CDH4: variants seen among roughly 807,000 people sequenced by gnomAD.
The protein encoded by CDH4 is cadherin 4, also known as cadherin-4.
In CDH4, 33 loss-of-function variants were observed where a neutral mutation model predicts 86.0. The ratio of observed to expected loss-of-function variants is 0.38; its 90% CI spans 0.29 to 0.51. The LOEUF is 0.51. Ranked by LOEUF, CDH4 falls within the 20% of genes least tolerant of loss-of-function variation. The pLI is 0.86. For synonymous variants in CDH4, 555 were observed against 549.4 expected, an observed-to-expected ratio of 1.01 and a Z score of -0.14; for missense variants, 1,114 against 1,307.4, an observed-to-expected ratio of 0.85 and a Z score of 2.28.
intron 2 of CDH4, among the ~76,000 whole-genome samples, chr20:61,461,188 A>ATT (rs571338181): frequency 5.3e-5 from 8 of 151,796 alleles, no homozygotes; most frequent in Admixed American, 3.3e-4. Flanking sequence ...CTAGGAAGCC[A>ATT]TTTTTTTTTA....
intron 2 of CDH4, among the ~76,000 whole-genome samples, chr20:61,484,156 A>ACC (rs2085583388): frequency 1.3e-5 from 2 of 152,002 alleles, no homozygotes; most frequent in Admixed American, 1.3e-4. Flanking sequence ...ACCTGCCTAG[A>ACC]CCATACCTGA....
chr20:61,281,157 G>C (rs190435234), intron 2 of CDH4, among the ~76,000 whole-genome samples: 73 of 152,300 alleles, frequency 4.8e-4, no homozygotes, highest in Admixed American at 1.2e-3. Context: ...CTCTGTCATG[G>C]GCTTATGGCC....
rs117827736 is a variant in CDH4 at position 61,303,141 on chromosome 20, G to C, written c.169+48204G>C. On this transcript the variant is annotated intron_variant, in intron 2 of 15. Coordinates refer to ENST00000614565, the MANE Select transcript of CDH4 (RefSeq NM_001794.5). ...GACGTTACGGCCACAGTAGGAAGCA[G>C]ATACACCCTGAGACCCAAAGCATGT... Among the ~76,000 whole-genome samples, 1,241 of 152,326 alleles carry C rather than the reference G, an allele frequency of 8.1e-3. 10 individuals carry two copies. Among genetic ancestry groups the C allele is most frequent in the Non-Finnish European group, 0.012 (820 of 68,024 alleles).
At chr20:61,485,622 C>G (rs1232331135) in intron 2 of CDH4, among the ~76,000 whole-genome samples, 3 of 152,216 alleles carry the variant, frequency 2.0e-5, no homozygotes, top group Non-Finnish European at 4.4e-5. Context: ...TCATTGACCT[C>G]TTCTGCAGCC....
intron 2 of CDH4, among the ~76,000 whole-genome samples, chr20:61,504,486 C>A (rs1385592270): frequency 6.6e-6 from 1 of 152,124 alleles, no homozygotes; most frequent in African/African-American, 2.4e-5. Flanking sequence ...CAGGGGATCT[C>A]AACGGGGGGC....
At chr20:61,751,088 G>A (rs2088487904) in intron 3 of CDH4, among the ~76,000 whole-genome samples, 1 of 152,162 alleles carries the variant, frequency 6.6e-6, no homozygotes, top group Non-Finnish European at 1.5e-5. Flanking sequence ...TTTTTTGTTT[G>A]CTCGTTTCGG....
In CDH4 at chr20:61,731,861, C is replaced by T. The variant is rs75948020; in HGVS notation, c.170-11702C>T. Among the ~76,000 whole-genome samples, 112 of 152,284 alleles carry T rather than the reference C, an allele frequency of 7.4e-4. 3 individuals are homozygous for T. In the East Asian group the frequency reaches 0.021, roughly 29 times the overall value. On this transcript the variant is annotated intron_variant, in intron 2 of 15. Transcript: ENST00000614565. Reference sequence around the variant, plus strand: ...AGGACTCGGGGGCTGCACAGCCTGGCGGGGATGCCTCTACTGGAGGGTGTG... The same window carrying T: ...AGGACTCGGGGGCTGCACAGCCTGGTGGGGATGCCTCTACTGGAGGGTGTG...
chr20:61,333,431 C>T (rs1460206154), intron 2 of CDH4, among the ~76,000 whole-genome samples: 3 of 152,148 alleles, frequency 2.0e-5, no homozygotes, highest in African/African-American at 4.8e-5. Flanking sequence ...TAATGAGACC[C>T]CAACAGGCAT....
In CDH4 at chr20:61,663,612, G is replaced by GT. The variant is rs2087286666; in HGVS notation, c.170-79950dup. On this transcript the variant is annotated intron_variant, in intron 2 of 15. Transcript: ENST00000614565. The surrounding 1 kb of genome is among the most constrained non-coding windows in gnomAD (Gnocchi z 5.0). Reference sequence around the variant, plus strand: ...AGCTGCTGGGACGGCAGGACCGGGTGTGTGTGTCCAAGAGACCATCTTGGC... The same window carrying GT: ...AGCTGCTGGGACGGCAGGACCGGGTGTTGTGTGTCCAAGAGACCATCTTGGC... Among the ~76,000 whole-genome samples, 1 of 152,160 alleles carries GT rather than the reference G, an allele frequency of 6.6e-6. No homozygotes were observed. The highest frequency in any genetic ancestry group is 1.5e-5 in the Non-Finnish European group (1 of 68,038).
intron 2 of CDH4, among the ~76,000 whole-genome samples, chr20:61,612,000 G>T (rs2145760603): frequency 6.6e-6 from 1 of 152,156 alleles, no homozygotes; most frequent in South Asian, 2.1e-4. Flanking sequence ...CATTTTTCTT[G>T]TGGTTTTGCA....
intron 2 of CDH4, among the ~76,000 whole-genome samples, chr20:61,385,576 C>T (rs536359215): frequency 2.0e-4 from 31 of 152,270 alleles, no homozygotes; most frequent in African/African-American, 7.5e-4. Flanking sequence ...AAATTTCTGC[C>T]CTACCATATT....
intron 2 of CDH4, among the ~76,000 whole-genome samples, chr20:61,268,831 A>C (rs1181859172): frequency 2.0e-5 from 3 of 152,154 alleles, no homozygotes; most frequent in Non-Finnish European, 2.9e-5. Flanking sequence ...CAGCCTGCAG[A>C]ACCATGCGCC....
intron 2 of CDH4, among the ~76,000 whole-genome samples, chr20:61,389,146 A>T (rs2084967349): frequency 6.6e-6 from 1 of 152,208 alleles, no homozygotes; most frequent in African/African-American, 2.4e-5. Context: ...GAAGTCCGTC[A>T]GCCCACAGTC....
chr20:61,579,230 T>C (rs539780378), intron 2 of CDH4, among the ~76,000 whole-genome samples: 2 of 151,634 alleles, frequency 1.3e-5, no homozygotes, highest in African/African-American at 2.4e-5. Flanking sequence ...GGGGAGACTC[T>C]ACTAGCAGCC....
At chr20:61,881,141 G>A (rs547510598) in intron 7 of CDH4, among the ~76,000 whole-genome samples, 7 of 152,310 alleles carry the variant, frequency 4.6e-5, no homozygotes, top group South Asian at 4.2e-4. Context: ...CATGCTGAGC[G>A]GGGTCACAGC....
chr20:61,523,339 T>G (rs953584019), intron 2 of CDH4, among the ~76,000 whole-genome samples: 1 of 152,218 alleles, frequency 6.6e-6, no homozygotes, highest in Admixed American at 6.5e-5. Flanking sequence ...CGGTCTCTGC[T>G]CTCTTGTCAG....
chr20:61,665,536 G>A (rs1042807706), intron 2 of CDH4, among the ~76,000 whole-genome samples: 5 of 152,304 alleles, frequency 3.3e-5, no homozygotes, highest in South Asian at 2.1e-4. Context: ...TCGGAGAGCC[G>A]AGGTCCCCGT....
intron 2 of CDH4, among the ~76,000 whole-genome samples, chr20:61,732,922 G>A (rs1040432664): frequency 1.2e-4 from 19 of 152,196 alleles, no homozygotes; most frequent in Admixed American, 3.3e-4. Context: ...TGTGGCCTCC[G>A]CCCTGTGCCA....
intron 2 of CDH4, among the ~76,000 whole-genome samples, chr20:61,542,711 C>A (rs1466780285): frequency 6.6e-6 from 1 of 152,154 alleles, no homozygotes; most frequent in Middle Eastern, 3.2e-3. Flanking sequence ...TCTCCTTTTC[C>A]TCTTAATAAA....
Sources: gnomAD v4.1 joint callset for allele counts (sites outside exome capture counted in the v4.1 genomes callset) on GRCh38, gnomAD v4.1.1 for gene constraint, Gnocchi (gnomAD v3.1) non-coding constraint, MANE v1.5 for transcripts, NCBI Gene and HGNC (gene_info 2026-07-23, HGNC 2026-07-21) for gene names.